Variants in SGCZ observed in about 807,000 individuals in gnomAD.
SGCZ encodes the protein sarcoglycan zeta, also known as zeta-sarcoglycan.
SGCZ carries 40 observed loss-of-function variants against 41.3 expected under a neutral mutation model. The ratio of observed to expected loss-of-function variants is 0.97; its 90% confidence interval spans 0.75 to 1.26. The LOEUF (loss-of-function observed/expected upper bound fraction) is 1.26. SGCZ is among the 50% of genes most tolerant of loss of function. SGCZ has a pLI of 0.00. For synonymous variants in SGCZ, 206 were observed against 137.5 expected (o/e 1.50, Z -3.49); for missense variants, 552 against 369.8 (o/e 1.49, Z -4.04).
intron 2 of SGCZ, among the ~76,000 whole-genome samples, chr8:14,537,874 T>C (rs749686593): frequency 6.6e-6 from 1 of 151,900 alleles, no homozygotes; most frequent in Non-Finnish European, 1.5e-5. Flanking sequence ...GGAAGGTGCA[T>C]GGAGAAATGA....
intron 1 of SGCZ, among the ~76,000 whole-genome samples, chr8:15,005,435 G>A (rs576244355): frequency 6.7e-6 from 1 of 149,690 alleles, no homozygotes; most frequent in East Asian, 2.0e-4. Context: ...GGGTTCGAGC[G>A]ATTCTCCTGC....
At chr8:15,066,539 T>G (rs962288364) in intron 1 of SGCZ, among the ~76,000 whole-genome samples, 2 of 152,198 alleles carry the variant, frequency 1.3e-5, no homozygotes, top group African/African-American at 4.8e-5. Flanking sequence ...TTTTTTAAGA[T>G]TTTCATAGTC....
At chr8:14,965,716 A>G (rs1029923608) in intron 1 of SGCZ, among the ~76,000 whole-genome samples, 8 of 152,140 alleles carry the variant, frequency 5.3e-5, no homozygotes, top group Admixed American at 2.6e-4. Context: ...TACTACCAAT[A>G]ATTTTCAAAT....
chr8:14,867,917 T>TA (rs199588948), intron 1 of SGCZ, among the ~76,000 whole-genome samples: 4,534 of 132,836 alleles, frequency 0.034, 81 homozygotes, highest in Middle Eastern at 0.084. Flanking sequence ...ACTTAAAAGT[T>TA]AAAAAAAAAA....
At chr8:14,266,917 A>G (rs1799889815) in intron 3 of SGCZ, among the ~76,000 whole-genome samples, 1 of 152,118 alleles carries the variant, frequency 6.6e-6, no homozygotes, top group Non-Finnish European at 1.5e-5. Context: ...ACAAAATATG[A>G]AGAGCTAGAA....
At chr8:14,295,519 A>C (rs1239069329) in intron 3 of SGCZ, among the ~76,000 whole-genome samples, 2 of 152,192 alleles carry the variant, frequency 1.3e-5, no homozygotes, top group Non-Finnish European at 2.9e-5. Context: ...AGAAATTTTA[A>C]AATAGTAGTT....
intron 1 of SGCZ, among the ~76,000 whole-genome samples, chr8:14,823,584 T>C (rs1440622304): frequency 6.6e-6 from 1 of 152,160 alleles, no homozygotes; most frequent in Admixed American, 6.5e-5. Flanking sequence ...AAACCAATGT[T>C]AGAGAACTTG....
chr8:14,732,711 G>A (rs553881428), intron 1 of SGCZ, among the ~76,000 whole-genome samples: 93 of 152,150 alleles, frequency 6.1e-4, no homozygotes, highest in African/African-American at 2.1e-3. Context: ...CTAAAACGGG[G>A]GCAACCAATA....
intron 1 of SGCZ, among the ~76,000 whole-genome samples, chr8:14,585,322 T>C (rs1309282696): frequency 6.6e-6 from 1 of 152,196 alleles, no homozygotes; most frequent in East Asian, 1.9e-4. Flanking sequence ...TGTAGCTCTG[T>C]GACATTTTAG....
At chr8:14,614,005 CTA>C (rs1328149910) in intron 1 of SGCZ, among the ~76,000 whole-genome samples, 1 of 152,116 alleles carries the variant, frequency 6.6e-6, no homozygotes, top group East Asian at 1.9e-4. Flanking sequence ...ACAGTTTAAA[CTA>C]TGTCAGTTTA....
intron 2 of SGCZ, among the ~76,000 whole-genome samples, chr8:14,376,792 T>C (rs1330985909): frequency 1.3e-5 from 2 of 152,214 alleles, no homozygotes; most frequent in Non-Finnish European, 2.9e-5. Flanking sequence ...AAATTTTAGC[T>C]AGCAGAATTC....
intron 2 of SGCZ, among the ~76,000 whole-genome samples, chr8:14,462,643 G>A (rs999265839): frequency 4.0e-5 from 6 of 151,876 alleles, no homozygotes; most frequent in African/African-American, 1.2e-4. Context: ...TTTTGAAACC[G>A]GGAAGTATGA....
chr8:14,135,633 A>G (rs945679884), intron 5 of SGCZ, among the ~76,000 whole-genome samples: 1 of 152,234 alleles, frequency 6.6e-6, no homozygotes, highest in African/African-American at 2.4e-5. Flanking sequence ...ATAGTCCTGT[A>G]ACTGTTAAAG....
At chr8:14,781,578 C>A (rs1404710853) in intron 1 of SGCZ, among the ~76,000 whole-genome samples, 1 of 152,038 alleles carries the variant, frequency 6.6e-6, no homozygotes, top group Non-Finnish European at 1.5e-5. Context: ...CCAATGAATA[C>A]CTATTATTAA....
At chr8:15,098,472 C>T (rs919925014) in intron 1 of SGCZ, among the ~76,000 whole-genome samples, 2 of 152,156 alleles carry the variant, frequency 1.3e-5, no homozygotes, top group Non-Finnish European at 2.9e-5. Context: ...GTTACAAACT[C>T]ATGTCTCCTA....
intron 2 of SGCZ, among the ~76,000 whole-genome samples, chr8:14,504,373 G>A (rs747567240): frequency 4.6e-5 from 7 of 152,110 alleles, no homozygotes; most frequent in Non-Finnish European, 7.4e-5. Context: ...GCTCCAAATC[G>A]TGATTAAGGA....
At chr8:14,586,498 C>T (rs1326455545) in intron 1 of SGCZ, among the ~76,000 whole-genome samples, 2 of 152,116 alleles carry the variant, frequency 1.3e-5, no homozygotes, top group Admixed American at 1.3e-4. Context: ...CAGGCATTAG[C>T]CACCACGCCC....
Position 14,769,590 on chromosome 8 carries a change from G to A in SGCZ, c.40-214664C>T, listed in dbSNP as rs1365578220. On this transcript the variant is annotated intron_variant, in intron 1 of 7. Coordinates refer to ENST00000382080, the MANE Select transcript of SGCZ (RefSeq NM_139167.4). ...GTGGATCATCTGAGGTCGGGAGTTCGAGACCAGCCTGGCCAGCATGGCGAA... is the reference window on the plus strand; with the variant it reads ...GTGGATCATCTGAGGTCGGGAGTTCAAGACCAGCCTGGCCAGCATGGCGAA... Among the ~76,000 whole-genome samples the A allele has an allele frequency of 2.6e-5, 4 of 152,016 alleles. 1 individual carries two copies. The highest frequency in any genetic ancestry group is 1.9e-4 in the East Asian group (1 of 5,172).
chr8:14,499,237 T>C (rs1802078369), intron 2 of SGCZ, among the ~76,000 whole-genome samples: 1 of 152,096 alleles, frequency 6.6e-6, no homozygotes, highest in Admixed American at 6.6e-5. Context: ...CAAGTTCTAC[T>C]TCATATTTGT....
Sources: allele counts gnomAD v4.1 joint callset (sites outside exome capture counted in the v4.1 genomes callset), GRCh38; gene constraint gnomAD v4.1.1; transcripts MANE v1.5; gene names NCBI Gene and HGNC (gene_info 2026-07-23, HGNC 2026-07-21).